SANBR: variants seen among roughly 807,000 people sequenced by gnomAD.
SANBR encodes the protein SANT and BTB domain regulator of CSR, also known as SANT and BTB domain regulator of class switch recombination.
A neutral mutation model predicts 101.8 loss-of-function variants in SANBR; 77 were observed. The observed-to-expected ratio is 0.76, with a 90% CI of 0.63 to 0.91. The LOEUF is 0.91. SANBR is among the 40% of genes least tolerant of loss of function. SANBR has a pLI of 0.00. For missense variants in SANBR, 875 were observed against 853.0 expected, an observed-to-expected ratio of 1.03 and a Z score of -0.32; for synonymous variants, 279 against 274.7, an observed-to-expected ratio of 1.02 and a Z score of -0.15.
intron 11 of SANBR, among the ~76,000 whole-genome samples, chr2:61,093,616 A>T (rs559095395): frequency 6.6e-6 from 1 of 152,158 alleles, no homozygotes; most frequent in Non-Finnish European, 1.5e-5. Flanking sequence ...AAAAAAAGTC[A>T]CTTGTTTTAA....
chr2:61,078,768 G>A (rs1316407889), intron 6 of SANBR, among the ~76,000 whole-genome samples: 1 of 152,096 alleles, frequency 6.6e-6, no homozygotes, highest in East Asian at 1.9e-4. Context: ...GCAGGGCATG[G>A]TGGCTCACAC....
intron 1 of SANBR, among the ~76,000 whole-genome samples, chr2:61,067,347 A>T (rs1267462747): frequency 1.3e-5 from 2 of 152,214 alleles, no homozygotes; most frequent in Non-Finnish European, 2.9e-5. Flanking sequence ...CTTTTAAATG[A>T]ATCTTTTTGG....
rs555189405 is a variant in SANBR, at chr2:61,081,368, T to A, written c.671-84T>A. 2,149 of 1,282,574 alleles carry A rather than the reference T, an allele frequency of 1.7e-3. 19 individuals are homozygous for A. Among genetic ancestry groups the A allele is most frequent in the Middle Eastern group, 1.9e-3 (9 of 4,730 alleles). The allele number at this position is 1,282,574 out of a possible 1,614,324, so 79.4% of individuals were successfully genotyped here. A position where few individuals can be genotyped will look rare whatever the true frequency, so the allele number is the denominator to read the frequency against. ...TTAAATTATTCTTATTCCAGTAATG[T>A]CCTCTTTTAAGGTAAGAAGGAGCCT... is the stretch of plus-strand genomic sequence containing the variant. On this transcript the variant is annotated intron_variant, in intron 6 of 21. Coordinates refer to ENST00000402291, the MANE Select transcript of SANBR (RefSeq NM_001129993.3).
In SANBR at chr2:61,092,446, T is replaced by C. The variant is rs780014027; in HGVS notation, c.1089-18T>C. On this transcript the variant is annotated intron_variant, in intron 10 of 21. Transcript: ENST00000402291. Reference sequence around the variant, plus strand: ...TTGTTTATATCACTTGCTTGTAAAATTGAGGCTCTTTCTCCAGAGATAAGA... The same window carrying C: ...TTGTTTATATCACTTGCTTGTAAAACTGAGGCTCTTTCTCCAGAGATAAGA... 13 of 1,518,186 alleles carry C rather than the reference T, an allele frequency of 8.6e-6. No individual in the cohort carries two copies. Among genetic ancestry groups the C allele is most frequent in the Non-Finnish European group, 1.1e-5 (12 of 1,135,484 alleles). The allele number at this position is 1,518,186 out of a possible 1,614,324, so 94.0% of individuals were successfully genotyped here. A position where few individuals can be genotyped will look rare whatever the true frequency, so the allele number is the denominator to read the frequency against.
Position 61,106,549 on chromosome 2 carries a change from CT to C in SANBR, c.1512-9del. 1.3e-6 allele frequency: 2 copies of C among 1,527,268 alleles called. No homozygotes were observed. The highest frequency in any genetic ancestry group is 2.0e-5 in the Admixed American group (1 of 50,850). The allele number at this position is 1,527,268 out of a possible 1,614,324, so 94.6% of individuals were successfully genotyped here. ...AGTAAACTCTTCTCCGTAAAAATGT[CT>C]TTTTCTTTCAAGTGATGTTGGGGTT... On this transcript the variant is annotated splice_polypyrimidine_tract_variant and intron_variant, in intron 13 of 21. Coordinates refer to ENST00000402291, the MANE Select transcript of SANBR (RefSeq NM_001129993.3).
At chr2:61,075,286 C>G (rs1681707407) in intron 5 of SANBR, 1 of 152,368 alleles carries the variant, frequency 6.6e-6, no homozygotes, top group African/African-American at 2.4e-5. Flanking sequence ...GAGACGGAGT[C>G]TCACTCTGTT....
intron 14 of SANBR, 134 bp downstream of exon 14, chr2:61,106,796 T>A (rs1683595008): frequency 3.7e-6 from 2 of 544,900 alleles, no homozygotes; most frequent in Non-Finnish European, 6.3e-6. Flanking sequence ...TGCCTAGTAA[T>A]AGGACTCTAA....
intron 10 of SANBR, chr2:61,089,039 C>T (rs1314102853): frequency 1.0e-6 from 1 of 960,306 alleles, no homozygotes; most frequent in East Asian, 1.1e-4. Context: ...GAAAGGTATT[C>T]TGGTTAGTGC....
At position 61,088,067 on chromosome 2, in the gene SANBR, T is replaced by C. The variant is rs980972844; in HGVS notation, c.891-92T>C. 1.2e-5 allele frequency: 8 copies of C among 642,340 alleles called. No homozygotes were observed. The Admixed American group carries it at 2.7e-4, about 22-fold the overall frequency. 39.8% of individuals were successfully genotyped at this position (642,340 alleles called of 1,614,324 possible). ...AAGAGAGCCACTAAGGATTTATTAA[T>C]CTTATTTTACAAATGCACAGATTGG... On this transcript the variant is annotated intron_variant, in intron 8 of 21. Transcript: ENST00000402291.
intron 21 of SANBR, among the ~76,000 whole-genome samples, chr2:61,136,400 C>T (rs966895159): frequency 5.9e-5 from 9 of 151,620 alleles, no homozygotes; most frequent in Non-Finnish European, 1.2e-4. Context: ...TTTGGGAGGC[C>T]GAGGTGGGTG....
intron 8 of SANBR, among the ~76,000 whole-genome samples, chr2:61,086,571 A>G (rs1037680370): frequency 3.3e-5 from 5 of 152,284 alleles, no homozygotes; most frequent in Non-Finnish European, 7.4e-5. Flanking sequence ...TTTCCAAAGA[A>G]AGATAATGCT....
At chr2:61,086,947 C>G (rs1189559587) in intron 8 of SANBR, among the ~76,000 whole-genome samples, 1 of 152,010 alleles carries the variant, frequency 6.6e-6, no homozygotes, top group East Asian at 1.9e-4. Flanking sequence ...TAGCAGAAGA[C>G]ATTACACAAG....
intron 5 of SANBR, among the ~76,000 whole-genome samples, chr2:61,076,182 A>G (rs1359050189): frequency 2.0e-5 from 3 of 150,918 alleles, no homozygotes; most frequent in Admixed American, 1.3e-4. Flanking sequence ...TTCAGTAGAG[A>G]CGGGGTTTCA....
At chr2:61,098,435 T>C (rs1458813757) in intron 12 of SANBR, among the ~76,000 whole-genome samples, 1 of 152,114 alleles carries the variant, frequency 6.6e-6, no homozygotes, top group Admixed American at 6.6e-5. Context: ...GGAAACAAGA[T>C]CATACTAATA....
intron 5 of SANBR, among the ~76,000 whole-genome samples, chr2:61,075,813 G>A (rs944587709): frequency 6.6e-6 from 1 of 151,768 alleles, no homozygotes; most frequent in African/African-American, 2.4e-5. Context: ...TGATTCTTTA[G>A]TGAAGAATTA....
intron 4 of SANBR, among the ~76,000 whole-genome samples, chr2:61,073,240 C>T (rs1681578559): frequency 6.6e-6 from 1 of 152,024 alleles, no homozygotes; most frequent in African/African-American, 2.4e-5. Context: ...TTTTGAAATC[C>T]TTATTCTAAC....
At chr2:61,118,712 C>T (rs1353708943) in intron 20 of SANBR, among the ~76,000 whole-genome samples, 2 of 151,722 alleles carry the variant, frequency 1.3e-5, no homozygotes, top group Non-Finnish European at 2.9e-5. Context: ...CAGGCATGCA[C>T]CACCATGCCC....
rs376400537 is a variant in SANBR, at chr2:61,106,712, C to T, written c.1611+50C>T. 52 of 1,111,112 alleles carry T rather than the reference C, an allele frequency of 4.7e-5. 1 individual carries two copies. The East Asian group carries it at 5.6e-4, about 12-fold the overall frequency. The allele number at this position is 1,111,112 out of a possible 1,614,324, so 68.8% of individuals were successfully genotyped here. On this transcript the variant is annotated intron_variant, in intron 14 of 21. Coordinates refer to ENST00000402291, the MANE Select transcript of SANBR (RefSeq NM_001129993.3). ...CTTTATTTACATAAATAATTAATGA[C>T]ATTTAATCTTTGACAGGAACCTGAT...
At chr2:61,112,543 C>T (rs1683881552) in intron 16 of SANBR, among the ~76,000 whole-genome samples, 1 of 151,500 alleles carries the variant, frequency 6.6e-6, no homozygotes, top group African/African-American at 2.4e-5. Flanking sequence ...GTCATCCAGG[C>T]TGGAGTGTAG....
Sources: allele counts gnomAD v4.1 joint callset (sites outside exome capture counted in the v4.1 genomes callset), GRCh38; gene constraint gnomAD v4.1.1; transcripts MANE v1.5; gene names NCBI Gene and HGNC (gene_info 2026-07-23, HGNC 2026-07-21).